Variants in KDM1B observed in about 807,000 individuals in gnomAD.
KDM1B encodes lysine-specific histone demethylase 2.
In KDM1B, 63 loss-of-function variants were observed where a neutral mutation model predicts 107.4. The ratio of observed to expected loss-of-function variants is 0.59; its 90% CI spans 0.48 to 0.72. The LOEUF is 0.72. Among genes scored for constraint, KDM1B ranks in the 30% least tolerant of loss-of-function variants. KDM1B has a pLI of 0.00. For missense variants in KDM1B, 749 were observed against 1,020.8 expected (o/e 0.73, Z 3.63); for synonymous variants, 363 against 363.9 (o/e 1.00, Z 0.03).
intron 10 of KDM1B, among the ~76,000 whole-genome samples, chr6:18,193,050 T>C (rs948206543): frequency 2.3e-4 from 35 of 151,442 alleles, no homozygotes; most frequent in Non-Finnish European, 4.4e-5. Flanking sequence ...AATAATTAGC[T>C]GGAGGTGGTG....
In KDM1B at chr6:18,197,957, G is replaced by C. The variant is rs960537393; in HGVS notation, c.1221+296G>C. Among the ~76,000 whole-genome samples, 1 of 129,970 alleles carries C rather than the reference G, an allele frequency of 7.7e-6. No homozygotes were observed. Among genetic ancestry groups the C allele is most frequent in the Admixed American group, 8.7e-5 (1 of 11,530 alleles). The allele number at this position is 129,970 out of a possible 152,430, so 85.3% of individuals were successfully genotyped here. On this transcript the variant is annotated intron_variant, in intron 12 of 21. Coordinates refer to ENST00000650836, the MANE Select transcript of KDM1B (RefSeq NM_001364614.2). This position sits in a 1 kb window ranked among gnomAD's most constrained non-coding sequence, Gnocchi z 4.5. ...TTTTTTTTTTTTGAGACAGAGTCTT[G>C]CTCTGTCGCCCAGGCTGGAGTGCAG... is the stretch of plus-strand genomic sequence containing the variant.
chr6:18,181,799 C>A (rs1561923169), intron 7 of KDM1B, among the ~76,000 whole-genome samples: 1 of 152,078 alleles, frequency 6.6e-6, no homozygotes, highest in Non-Finnish European at 1.5e-5. Flanking sequence ...ATAAAAAAAA[C>A]AAACTTCATG....
chr6:18,159,391 G>A lies in KDM1B; in HGVS notation c.-13-492G>A, dbSNP rs1784829226. Among the ~76,000 whole-genome samples, 1 of 152,168 alleles carries A rather than the reference G, an allele frequency of 6.6e-6. No homozygotes were observed. Among genetic ancestry groups the A allele is most frequent in the South Asian group, 2.1e-4 (1 of 4,830 alleles). On this transcript the variant is annotated intron_variant, in intron 2 of 21. Transcript: ENST00000650836. This position sits in a 1 kb window ranked among gnomAD's most constrained non-coding sequence, Gnocchi z 4.5. ...CCTCATTGAATTTTATAAACATAGT[G>A]TGGTTTGTTTATTGGTCATTCATGT...
chr6:18,200,669 T>C lies in KDM1B; in HGVS notation c.1359+93T>C. The C allele has an allele frequency of 8.7e-7, 1 of 1,154,190 alleles. No individual in the cohort carries two copies. Among genetic ancestry groups the C allele is most frequent in the Non-Finnish European group, 1.2e-6 (1 of 829,042 alleles). 71.5% of individuals were successfully genotyped at this position (1,154,190 alleles called of 1,614,324 possible). A position where few individuals can be genotyped will look rare whatever the true frequency, so the allele number is the denominator to read the frequency against. On this transcript the variant is annotated intron_variant, in intron 13 of 21. Transcript: ENST00000650836. This position sits in a 1 kb window ranked among gnomAD's most constrained non-coding sequence, Gnocchi z 4.3. The stretch of plus-strand genomic sequence containing the variant: ...GTATTAATATGCTTCTAAAGTAAAT[T>C]ACATATAACAGCCCCCTCATCTCCT...
Position 18,201,407 on chromosome 6 carries a change from T to C in KDM1B, c.1360-79T>C. Reference sequence around the variant, plus strand: ...GAGACCATTTTCTCCATGAGAGCTCTGTCTGATTTTCAGCTTAGAACCTGT... The same window carrying C: ...GAGACCATTTTCTCCATGAGAGCTCCGTCTGATTTTCAGCTTAGAACCTGT... On this transcript the variant is annotated intron_variant, in intron 13 of 21. Coordinates refer to ENST00000650836, the MANE Select transcript of KDM1B (RefSeq NM_001364614.2). This position sits in a 1 kb window ranked among gnomAD's most constrained non-coding sequence, Gnocchi z 4.3. The C allele has an allele frequency of 9.8e-7, 1 of 1,021,760 alleles. No individual in the cohort carries two copies. 63.3% of individuals were successfully genotyped at this position (1,021,760 alleles called of 1,614,324 possible).
rs755948439 is a variant in KDM1B at position 18,212,655 on chromosome 6, T to C, written c.1983+51T>C. The C allele has an allele frequency of 1.7e-6, 2 of 1,163,108 alleles. No individual in the cohort carries two copies. The highest frequency in any genetic ancestry group is 2.6e-6 in the Non-Finnish European group (2 of 768,806). 72.0% of individuals were successfully genotyped at this position (1,163,108 alleles called of 1,614,324 possible). On this transcript the variant is annotated intron_variant, in intron 18 of 21. Coordinates refer to ENST00000650836, the MANE Select transcript of KDM1B (RefSeq NM_001364614.2). This position sits in a 1 kb window ranked among gnomAD's most constrained non-coding sequence, Gnocchi z 5.2. ...CAAGAAAGAGATTAATGTCAGATGA[T>C]AGATGTTAACTTCTGATATGGAGAA...
intron 3 of KDM1B, 140 bp downstream of exon 3, chr6:18,160,122 A>AACACAGTGTG: frequency 3.3e-6 from 2 of 602,146 alleles, no homozygotes; most frequent in Non-Finnish European, 5.8e-6. Flanking sequence ...GTACGGTCAT[A>AACACAGTGTG]ACACAGTGTG....
intron 17 of KDM1B, among the ~76,000 whole-genome samples, chr6:18,210,333 C>CTTTCT (rs1561951685): frequency 9.2e-5 from 6 of 64,972 alleles, no homozygotes; most frequent in Admixed American, 2.8e-4. Context: ...TTTTTTTTCT[C>CTTTCT]TTTCTTTTCT....
chr6:18,190,839 G>T (rs426405), intron 9 of KDM1B, among the ~76,000 whole-genome samples: 6 of 151,204 alleles, frequency 4.0e-5, no homozygotes, highest in Non-Finnish European at 5.9e-5. Context: ...GATGGAGGTC[G>T]CAGTAAGCCG....
rs1321540153 is a variant in KDM1B, at chr6:18,213,468, A to C, written c.1984-188A>C. ...AAAAAAAACCCAAAAAACAAAACAA[A>C]ACAAAAAACAACCAAGGAGTTCACA... On this transcript the variant is annotated intron_variant, in intron 18 of 21. Transcript: ENST00000650836. This position sits in a 1 kb window ranked among gnomAD's most constrained non-coding sequence, Gnocchi z 5.9. Among the ~76,000 whole-genome samples, 1 of 151,948 alleles carries C rather than the reference A, an allele frequency of 6.6e-6. No individual in the cohort carries two copies. Among genetic ancestry groups the C allele is most frequent in the Non-Finnish European group, 1.5e-5 (1 of 67,970 alleles).
At chr6:18,164,374 T>A (rs1174459517) in intron 5 of KDM1B, among the ~76,000 whole-genome samples, 4 of 152,096 alleles carry the variant, frequency 2.6e-5, no homozygotes, top group Admixed American at 1.3e-4. Flanking sequence ...GTGATCTGCC[T>A]GCCTCAGCCT....
chr6:18,220,848 T>C (rs1021764767), intron 21 of KDM1B, among the ~76,000 whole-genome samples: 3 of 151,082 alleles, frequency 2.0e-5, no homozygotes, highest in African/African-American at 4.9e-5. Flanking sequence ...CTTGGCTCAC[T>C]GCAACCTCCG....
chr6:18,167,289 G>A (rs1338984700), intron 6 of KDM1B, among the ~76,000 whole-genome samples: 1 of 151,588 alleles, frequency 6.6e-6, no homozygotes, highest in African/African-American at 2.4e-5. Context: ...CCCAGGAAGC[G>A]GAGGTTGCAA....
intron 6 of KDM1B, among the ~76,000 whole-genome samples, chr6:18,166,602 T>C (rs1168110272): frequency 2.6e-5 from 4 of 152,172 alleles, no homozygotes; most frequent in Non-Finnish European, 5.9e-5. Context: ...CCTAGCCCTT[T>C]GGTAGGCTGA....
chr6:18,201,878 T>G lies in KDM1B; in HGVS notation c.1531+221T>G, dbSNP rs1390015274. 1.3e-5 allele frequency among the ~76,000 whole-genome samples: 2 copies of G among 152,170 alleles called. No homozygotes were observed. Among genetic ancestry groups the G allele is most frequent in the Non-Finnish European group, 2.9e-5 (2 of 68,018 alleles). On this transcript the variant is annotated intron_variant, in intron 14 of 21. Transcript: ENST00000650836. This position sits in a 1 kb window ranked among gnomAD's most constrained non-coding sequence, Gnocchi z 4.3. ...TTGTGTACACACACACACACAGACC[T>G]TACTTTACACAATAGCTGGTGTTTT...
rs1254654038 is a variant in KDM1B at position 18,211,896 on chromosome 6, C to T, written c.1867-592C>T. The T allele has an allele frequency of 6.5e-6, 1 of 153,796 alleles. No individual in the cohort carries two copies. Among genetic ancestry groups the T allele is most frequent in the Admixed American group, 6.5e-5 (1 of 15,400 alleles). 9.5% of individuals were successfully genotyped at this position (153,796 alleles called of 1,614,324 possible). On this transcript the variant is annotated intron_variant, in intron 17 of 21. Transcript: ENST00000650836. The surrounding 1 kb of genome is among the most constrained non-coding windows in gnomAD (Gnocchi z 5.2). Reference sequence around the variant, plus strand: ...ATTAGGAATGATGCATAAAGTTCTCCTGACTCCATAGTTAGGGCTCTTTCC... The same window carrying T: ...ATTAGGAATGATGCATAAAGTTCTCTTGACTCCATAGTTAGGGCTCTTTCC...
intron 6 of KDM1B, 61 bp downstream of exon 6, chr6:18,166,439 G>A: frequency 1.1e-6 from 1 of 917,728 alleles, no homozygotes; most frequent in Non-Finnish European, 1.8e-6. Flanking sequence ...AAGAGGCATG[G>A]ATGAAAATGC....
chr6:18,186,560 A>G lies in KDM1B; in HGVS notation c.573+750A>G, dbSNP rs776961171. Among the ~76,000 whole-genome samples the G allele has an allele frequency of 4.6e-5, 7 of 152,150 alleles. No individual in the cohort carries two copies. Among genetic ancestry groups the G allele is most frequent in the Admixed American group, 2.0e-4 (3 of 15,264 alleles). On this transcript the variant is annotated intron_variant, in intron 8 of 21. Coordinates refer to ENST00000650836, the MANE Select transcript of KDM1B (RefSeq NM_001364614.2). The surrounding 1 kb of genome is among the most constrained non-coding windows in gnomAD (Gnocchi z 5.6). ...AAATCTACTTTAAATCCATTCTGTT[A>G]TATAAAAGGGTGTTTGCATGTGTAT...
rs1787715659 is a variant in KDM1B, at chr6:18,197,324, A to T, written c.1146+91A>T. 8.3e-7 allele frequency: 1 copy of T among 1,203,722 alleles called. No homozygotes were observed. The highest frequency in any genetic ancestry group is 1.5e-5 in the South Asian group (1 of 67,246). 74.6% of individuals were successfully genotyped at this position (1,203,722 alleles called of 1,614,324 possible). Reference sequence around the variant, plus strand: ...TAATAAATATAGTAAAAGCCACATTATCACCATAAAACTTAACAGAAGCAA... The same window carrying T: ...TAATAAATATAGTAAAAGCCACATTTTCACCATAAAACTTAACAGAAGCAA... On this transcript the variant is annotated intron_variant, in intron 11 of 21. Coordinates refer to ENST00000650836, the MANE Select transcript of KDM1B (RefSeq NM_001364614.2). This position sits in a 1 kb window ranked among gnomAD's most constrained non-coding sequence, Gnocchi z 4.5.
Sources: gnomAD v4.1 joint callset for allele counts (sites outside exome capture counted in the v4.1 genomes callset) on GRCh38, gnomAD v4.1.1 for gene constraint, Gnocchi (gnomAD v3.1) non-coding constraint, MANE v1.5 for transcripts, NCBI Gene and HGNC (gene_info 2026-07-23, HGNC 2026-07-21) for gene names.